Variants in ESR1 observed in about 807,000 individuals in gnomAD.
ESR1 encodes estrogen receptor 1.
In ESR1, 12 loss-of-function variants were observed where a neutral mutation model predicts 52.7. The observed-to-expected ratio is 0.23, with a 90% CI of 0.15 to 0.37. ESR1 has a LOEUF of 0.37. Among genes scored for constraint, ESR1 ranks in the 10% least tolerant of loss-of-function variants. The probability of loss-of-function intolerance (pLI) is 1.00; values close to 1 mark genes in which losing one functional copy is unlikely to be tolerated. For synonymous variants in ESR1, 305 were observed against 316.8 expected (o/e 0.96, Z 0.39); for missense variants, 584 against 779.7 (o/e 0.75, Z 2.99).
chr6:151,997,798 A>G (rs1177923030), intron 4 of ESR1, among the ~76,000 whole-genome samples: 3 of 152,152 alleles, frequency 2.0e-5, no homozygotes, highest in Non-Finnish European at 2.9e-5. Flanking sequence ...GAGTGGCAGA[A>G]GAGAAAAAAC....
chr6:152,125,650 A>G (rs976392792), exon 7 of ESR1: 3 of 267,618 alleles, frequency 1.1e-5, no homozygotes, highest in African/African-American at 6.5e-5. Flanking sequence ...AGAGTGACTG[A>G]AGAGAGCTCC....
chr6:151,659,759 G>GA lies in ESR1; in HGVS notation n.73+3002dup, dbSNP rs1777576204. 2.0e-5 allele frequency among the ~76,000 whole-genome samples: 3 copies of GA among 151,952 alleles called. No homozygotes were observed. The South Asian group carries it at 6.2e-4, about 32-fold the overall frequency. On this transcript the variant is annotated intron_variant and non_coding_transcript_variant, in intron 1 of 2. Transcript: ENST00000473497. ...CTACAGTGTGACTTTCAACTAAACT[G>GA]AAAAAAGAATAGAAAATGAATGTAT...
At position 152,059,255 on chromosome 6, in the gene ESR1, T is replaced by A. The variant is rs528130533; in HGVS notation, c.1236-1736T>A. Among the ~76,000 whole-genome samples, 11 of 152,134 alleles carry A rather than the reference T, an allele frequency of 7.2e-5. No homozygotes were observed. In the South Asian group the frequency reaches 2.3e-3, roughly 31 times the overall value. ...AAATTTAAACATAAAAGCATGGAAG[T>A]ATACTAGAAGGAAATATAAGATAAT... On this transcript the variant is annotated intron_variant, in intron 5 of 7. Transcript: ENST00000206249.
At chr6:151,856,741 A>G (rs1255597843) in intron 2 of ESR1, among the ~76,000 whole-genome samples, 1 of 152,136 alleles carries the variant, frequency 6.6e-6, no homozygotes, top group Non-Finnish European at 1.5e-5. Context: ...TCACTCTGCC[A>G]CCTGTTCTGA....
At chr6:152,111,965 T>A (rs1023903330) in intron 6 of ESR1, among the ~76,000 whole-genome samples, 12 of 152,236 alleles carry the variant, frequency 7.9e-5, no homozygotes, top group African/African-American at 2.9e-4. Context: ...TAAATATTTT[T>A]AAACACCCTT....
chr6:151,977,180 G>C (rs1183667241), intron 4 of ESR1, among the ~76,000 whole-genome samples: 2 of 152,118 alleles, frequency 1.3e-5, no homozygotes, highest in African/African-American at 4.8e-5. Context: ...GATGACACTG[G>C]ATGGCCTTAA....
intron 2 of ESR1, among the ~76,000 whole-genome samples, chr6:151,847,751 C>A (rs1785396479): frequency 7.7e-6 from 1 of 129,184 alleles, no homozygotes; most frequent in African/African-American, 3.0e-5. Context: ...TTAATTAGAT[C>A]CCATTTGTCA....
At chr6:151,983,477 G>A (rs998051341) in intron 4 of ESR1, 1 of 152,140 alleles carries the variant, frequency 6.6e-6, no homozygotes, top group Non-Finnish European at 1.5e-5. Flanking sequence ...GATCCTGGGT[G>A]TGCCAAATGC....
chr6:151,887,658 T>C (rs1227729629), intron 3 of ESR1, among the ~76,000 whole-genome samples: 2 of 152,174 alleles, frequency 1.3e-5, no homozygotes. Flanking sequence ...CCTCTAGGTA[T>C]GAAAATCAAG....
At chr6:151,933,047 T>C (rs2033884510) in intron 3 of ESR1, among the ~76,000 whole-genome samples, 1 of 152,056 alleles carries the variant, frequency 6.6e-6, no homozygotes, top group African/African-American at 2.4e-5. Flanking sequence ...CCTTGGGCAG[T>C]ATGGCCATTT....
intron 1 of ESR1, among the ~76,000 whole-genome samples, chr6:151,683,195 T>C (rs1778523912): frequency 6.6e-6 from 1 of 152,186 alleles, no homozygotes; most frequent in African/African-American, 2.4e-5. Context: ...CTATTTCAAA[T>C]ACTTTGACGG....
intron 2 of ESR1, among the ~76,000 whole-genome samples, chr6:151,852,247 C>T (rs764760086): frequency 5.3e-5 from 8 of 152,096 alleles, no homozygotes; most frequent in Non-Finnish European, 7.4e-5. Flanking sequence ...CAGCTCTCTG[C>T]GGATATTCCA....
Position 152,111,738 on chromosome 6 carries a change from C to T in ESR1, c.851-13528C>T, listed in dbSNP as rs576938305. Among the ~76,000 whole-genome samples the T allele has an allele frequency of 5.9e-5, 9 of 152,176 alleles. No individual in the cohort carries two copies. The East Asian group carries it at 9.7e-4, about 16-fold the overall frequency. On this transcript the variant is annotated intron_variant, in intron 6 of 6. Coordinates refer to the ESR1 transcript ENST00000427531. ...AGAGGGTGCAGGCAGCTGCAGGAACCGTGTCGCTGTCTCGGTAGCTGCTTT... is the reference window on the plus strand; with the variant it reads ...AGAGGGTGCAGGCAGCTGCAGGAACTGTGTCGCTGTCTCGGTAGCTGCTTT...
chr6:151,707,806 GAAATC>G (rs1476971725), intron 2 of ESR1, among the ~76,000 whole-genome samples: 1 of 151,896 alleles, frequency 6.6e-6, no homozygotes, highest in Non-Finnish European at 1.5e-5. Context: ...ATCCCATCTA[GAAATC>G]AAATCATGAT....
At chr6:151,872,150 A>T (rs562511546) in intron 2 of ESR1, among the ~76,000 whole-genome samples, 1 of 152,224 alleles carries the variant, frequency 6.6e-6, no homozygotes, top group South Asian at 2.1e-4. Flanking sequence ...GAAGTGGAAC[A>T]TGGTCTCCCA....
downstream of ESR1, among the ~76,000 whole-genome samples, chr6:152,104,598 T>A (rs1460752821): frequency 3.3e-5 from 5 of 152,226 alleles, no homozygotes; most frequent in Non-Finnish European, 7.3e-5. Flanking sequence ...AGTGATATTA[T>A]GGTACAATAA....
chr6:151,782,671 G>A (rs1239430878), intron 2 of ESR1, among the ~76,000 whole-genome samples: 1 of 151,964 alleles, frequency 6.6e-6, no homozygotes, highest in Non-Finnish European at 1.5e-5. Context: ...TCATTATTCT[G>A]GCTGCCTTCT....
upstream of ESR1, among the ~76,000 whole-genome samples, chr6:151,803,647 C>T (rs376950776): frequency 4.0e-4 from 60 of 151,898 alleles, 2 homozygotes; most frequent in Non-Finnish European, 6.6e-4. Flanking sequence ...GGATGAAGTC[C>T]GGGAGGAAAG....
Position 152,102,053 on chromosome 6 carries a change from C to G in ESR1, c.*3087C>G, listed in dbSNP as rs2152510731. 4.7e-6 allele frequency: 1 copy of G among 214,302 alleles called. No homozygotes were observed. The highest frequency in any genetic ancestry group is 2.3e-5 in the African/African-American group (1 of 44,406). 13.3% of individuals were successfully genotyped at this position (214,302 alleles called of 1,614,324 possible). ...AGCAATTATGAGAGGCTAGGTCATC[C>G]AAAGAGAAGACCCTATCAATGTAGG... On this transcript the variant is annotated 3_prime_UTR_variant, in exon 8 of 8. Transcript: ENST00000206249.
Sources: allele counts gnomAD v4.1 joint callset (sites outside exome capture counted in the v4.1 genomes callset), GRCh38; gene constraint gnomAD v4.1.1; transcripts MANE v1.5; gene names NCBI Gene and HGNC (gene_info 2026-07-23, HGNC 2026-07-21).